RPS7: variants seen among roughly 807,000 people sequenced by gnomAD.
RPS7 encodes small ribosomal subunit protein eS7.
In RPS7, 1 loss-of-function variant was observed where a neutral mutation model predicts 22.1. The ratio of observed to expected loss-of-function variants is 0.05; its 90% CI spans 0.02 to 0.21. The LOEUF (loss-of-function observed/expected upper bound fraction) is 0.21, where lower values mean the gene tolerates loss of function less well. Among genes scored for constraint, RPS7 ranks in the 10% least tolerant of loss-of-function variants. RPS7 has a pLI of 1.00. For synonymous variants in RPS7, 80 were observed against 92.0 expected, an observed-to-expected ratio of 0.87 and a Z score of 0.74; for missense variants, 137 against 246.4, an observed-to-expected ratio of 0.56 and a Z score of 2.97.
At chr2:3,578,956 CTT>C (rs897577133) in intron 5 of RPS7, 10 of 152,238 alleles carry the variant, frequency 6.6e-5, no homozygotes, top group Admixed American at 6.5e-4. Flanking sequence ...GATTCTACCA[CTT>C]TTCCAATCCG....
At position 3,576,514 on chromosome 2, in the gene RPS7, G is replaced by A; in HGVS notation, c.175G>A (p.Ala59Thr). 1.2e-6 allele frequency: 2 copies of A among 1,614,028 alleles called. No individual in the cohort carries two copies. Among genetic ancestry groups the A allele is most frequent in the Non-Finnish European group, 1.7e-6 (2 of 1,179,902 alleles). Reference protein sequence around the residue: ...KEIEVGGGRKAIIIFVPVPQL... With the variant: ...KEIEVGGGRKTIIIFVPVPQL... Reference sequence around the variant, plus strand: ...AATTGAAGTTGGTGGTGGTCGGAAAGCTATCATAATCTTTGTTCCCGTTCC... The same window carrying A: ...AATTGAAGTTGGTGGTGGTCGGAAAACTATCATAATCTTTGTTCCCGTTCC... The change falls in exon 4 of 7, where the codon GCT becomes ACT. Residue 59 changes from alanine to threonine, a missense_variant. Ala to Thr is a moderately conservative substitution (Grantham distance 58). Transcript: ENST00000645674.
At chr2:3,576,684 C>G (rs770930406) in intron 4 of RPS7, 54 bp downstream of exon 4, 1 of 1,590,740 alleles carries the variant, frequency 6.3e-7, no homozygotes, top group Non-Finnish European at 8.6e-7. Context: ...GCTAAAATTG[C>G]TTGTATTTAG....
intron 6 of RPS7, 180 bp from the exon 7 acceptor site, chr2:3,580,625 G>C: frequency 1.5e-6 from 1 of 652,378 alleles, no homozygotes; most frequent in Non-Finnish European, 2.7e-6. Flanking sequence ...GTGGTGTACA[G>C]TTCTGTCCCA....
Position 3,577,787 on chromosome 2 carries a change from G to A in RPS7, c.356+13G>A. The A allele has an allele frequency of 6.3e-7, 1 of 1,585,602 alleles. No homozygotes were observed. Among genetic ancestry groups the A allele is most frequent in the Non-Finnish European group, 8.7e-7 (1 of 1,154,350 alleles). On this transcript the variant is annotated intron_variant, in intron 5 of 6. Coordinates refer to ENST00000645674, the MANE Select transcript of RPS7 (RefSeq NM_001011.4). The stretch of plus-strand genomic sequence containing the variant: ...AGCGTCCCAGGAGGTGAGTATTTTA[G>A]TAGTTTCAGAAATGTGTGTACCCCT...
chr2:3,576,324 G>C (rs546057969), intron 3 of RPS7, 163 bp from the exon 4 acceptor site: 16 of 732,070 alleles, frequency 2.2e-5, no homozygotes, highest in South Asian at 1.5e-4. Flanking sequence ...GTTGGAGAGA[G>C]ATGAGAACAT....
intron 5 of RPS7, 45 bp downstream of exon 5, chr2:3,577,819 A>G (rs1329489505): frequency 4.1e-6 from 5 of 1,219,908 alleles, no homozygotes; most frequent in Non-Finnish European, 6.1e-6. Flanking sequence ...CCCTCTTATT[A>G]ACAACTCTTA....
intron 3 of RPS7, 78 bp downstream of exon 3, chr2:3,575,966 G>A (rs753058856): frequency 1.7e-5 from 18 of 1,073,288 alleles, no homozygotes; most frequent in Admixed American, 3.9e-5. Context: ...TTGGACCTGG[G>A]TTACGGTTGA....
intron 6 of RPS7, 47 bp from the exon 7 acceptor site, chr2:3,580,758 G>C (rs1661388262): frequency 8.7e-7 from 1 of 1,150,394 alleles, no homozygotes; most frequent in African/African-American, 1.5e-5. Flanking sequence ...GTTTTAAGCT[G>C]AGTGTGTATT....
chr2:3,579,682 C>T (rs548705828), intron 5 of RPS7: 10 of 263,516 alleles, frequency 3.8e-5, no homozygotes, highest in South Asian at 2.2e-4. Context: ...TGATCATATC[C>T]GTGCTTTAGA....
Position 3,575,586 on chromosome 2 carries a change from C to T in RPS7, c.-18-6C>T, listed in dbSNP as rs777073999. On this transcript the variant is annotated splice_polypyrimidine_tract_variant and splice_region_variant and intron_variant, in intron 1 of 6. Transcript: ENST00000645674. Reference sequence around the variant, plus strand: ...GGCCGCGTAACGCTGACCGCTGTGCCTTCAGTTCTCCCAGGAGAAAGCCAT... The same window carrying T: ...GGCCGCGTAACGCTGACCGCTGTGCTTTCAGTTCTCCCAGGAGAAAGCCAT... 5.0e-6 allele frequency: 8 copies of T among 1,605,020 alleles called. No individual in the cohort carries two copies. Among genetic ancestry groups the T allele is most frequent in the South Asian group, 1.1e-5 (1 of 90,896 alleles).
intron 3 of RPS7, 134 bp from the exon 4 acceptor site, chr2:3,576,353 T>C: frequency 1.2e-6 from 1 of 816,402 alleles, no homozygotes; most frequent in Non-Finnish European, 2.2e-6. Flanking sequence ...GATGCATTTA[T>C]GATTAACTCA....
chr2:3,575,851 A>C lies in RPS7; in HGVS notation c.110A>C (p.Lys37Thr). 1.2e-6 allele frequency: 2 copies of C among 1,611,984 alleles called. No individual in the cohort carries two copies. The highest frequency in any genetic ancestry group is 1.7e-6 in the Non-Finnish European group (2 of 1,179,732). ...LLELEMNSDL[K>T]AQLRELNITA... Reference sequence around the variant, plus strand: ...GAGCTGGAGATGAACTCGGACCTCAAGGCTCAGCTCAGGGAGCTGAATATT... The same window carrying C: ...GAGCTGGAGATGAACTCGGACCTCACGGCTCAGCTCAGGGAGCTGAATATT... The change falls in exon 3 of 7, where the codon AAG becomes ACG. Residue 37 changes from lysine to threonine, a missense_variant. Coordinates refer to ENST00000645674, the MANE Select transcript of RPS7 (RefSeq NM_001011.4).
intron 4 of RPS7, 74 bp downstream of exon 4, chr2:3,576,704 G>C: frequency 6.8e-7 from 1 of 1,476,728 alleles, no homozygotes; most frequent in Non-Finnish European, 9.5e-7. Flanking sequence ...GACTGCATTG[G>C]TAGTTGGAGT....
chr2:3,578,088 A>G, intron 5 of RPS7: 1 of 297,092 alleles, frequency 3.4e-6, no homozygotes, highest in South Asian at 5.6e-5. Context: ...CATGCTAGAC[A>G]CAGTTGACAT....
chr2:3,577,310 TG>T, intron 4 of RPS7: 1 of 192,710 alleles, frequency 5.2e-6, no homozygotes, highest in Non-Finnish European at 1.1e-5. Flanking sequence ...AACTTCAGCC[TG>T]GGCGACAGAG....
chr2:3,580,006 G>A, intron 5 of RPS7, 104 bp from the exon 6 acceptor site: 2 of 1,059,514 alleles, frequency 1.9e-6, no homozygotes, highest in South Asian at 2.5e-5. Flanking sequence ...TTGACTTCAG[G>A]AACCTGGGAT....
chr2:3,575,369 C>T lies in RPS7; in HGVS notation c.-19+19C>T. On this transcript the variant is annotated intron_variant, in intron 1 of 6. Coordinates refer to ENST00000645674, the MANE Select transcript of RPS7 (RefSeq NM_001011.4). ...CGGCAAGGTAGGTTGGCGGCCTGCT[C>T]TCCGACAGAACTTTTCTTCTTGGGT... The T allele has an allele frequency of 1.8e-6, 1 of 556,898 alleles. No individual in the cohort carries two copies. The highest frequency in any genetic ancestry group is 2.1e-5 in the South Asian group (1 of 46,732). 34.5% of individuals were successfully genotyped at this position (556,898 alleles called of 1,614,324 possible).
At chr2:3,576,836 C>T (rs997289977) in intron 4 of RPS7, 4 of 679,162 alleles carry the variant, frequency 5.9e-6, no homozygotes, top group Non-Finnish European at 1.1e-5. Context: ...CTGTAGAGAC[C>T]AGCCTGGGCA....
In RPS7 at chr2:3,575,822, T is replaced by A. The variant is rs1661262693; in HGVS notation, c.81T>A (p.Leu27=). Residue 27 remains leucine, a synonymous_variant, in exon 3 of 7, where the codon CTT becomes CTA. Transcript: ENST00000645674. ...TGCTGTTCGTTGCTTCTTAGGCTCT[T>A]CTGGAGCTGGAGATGAACTCGGACC... ...DEFESGISQA[L]LELEMNSDLK... The A allele has an allele frequency of 4.3e-6, 7 of 1,612,140 alleles. No individual in the cohort carries two copies. Among genetic ancestry groups the A allele is most frequent in the Non-Finnish European group, 5.9e-6 (7 of 1,179,658 alleles).
Sources: gnomAD v4.1 joint callset for allele counts on GRCh38, gnomAD v4.1.1 for gene constraint, MANE v1.5 for transcripts, NCBI Gene and HGNC (gene_info 2026-07-23, HGNC 2026-07-21) for gene names.